The following RBM26 variants were observed in gnomAD, a reference collection of about 807,000 sequenced individuals.
RBM26 encodes the protein RNA binding motif protein 26, also known as RNA-binding protein 26.
Under a neutral mutation model 123.6 loss-of-function variants are expected in RBM26, and 30 were observed. The ratio of observed to expected loss-of-function variants is 0.24; its 90% CI spans 0.18 to 0.33. The LOEUF (loss-of-function observed/expected upper bound fraction) is 0.33, where lower values mean the gene tolerates loss of function less well. Ranked by LOEUF, RBM26 falls within the 10% of genes least tolerant of loss-of-function variation. The probability of loss-of-function intolerance (pLI) is 1.00; values close to 1 mark genes in which losing one functional copy is unlikely to be tolerated. For missense variants in RBM26, 947 were observed against 1,203.6 expected (o/e 0.79, Z 3.15); for synonymous variants, 400 against 404.4 (o/e 0.99, Z 0.13).
At chr13:79,404,694 T>A (rs1400630860) in intron 1 of RBM26, among the ~76,000 whole-genome samples, 3 of 152,228 alleles carry the variant, frequency 2.0e-5, no homozygotes, top group Non-Finnish European at 4.4e-5. Flanking sequence ...TTGACACACA[T>A]GGTCCCTTCT....
chr13:79,336,200 T>C (rs2070362186), intron 19 of RBM26, among the ~76,000 whole-genome samples: 1 of 152,200 alleles, frequency 6.6e-6, no homozygotes, highest in South Asian at 2.1e-4. Context: ...AAATTACAGT[T>C]TTACTACTTT....
rs866774274 is a variant in RBM26 at position 79,367,363 on chromosome 13, T to C, written c.896-491A>G. On this transcript the variant is annotated intron_variant, in intron 6 of 21. Coordinates refer to ENST00000438737, the MANE Select transcript of RBM26 (RefSeq NM_001366735.2). ...CAGTGGTTGCACTGAGCAGAGACTG[T>C]GTCATTGCACTCCAGCCTGGGGTAT... is the stretch of plus-strand genomic sequence containing the variant. 5.3e-5 allele frequency among the ~76,000 whole-genome samples: 7 copies of C among 132,064 alleles called. No homozygotes were observed. In the Admixed American group the frequency reaches 5.6e-4, roughly 11 times the overall value. 86.6% of individuals were successfully genotyped at this position (132,064 alleles called of 152,430 possible).
chr13:79,377,651 G>C (rs1475563612), intron 2 of RBM26, 136 bp from the exon 3 acceptor site: 1 of 719,650 alleles, frequency 1.4e-6, no homozygotes, highest in Non-Finnish European at 2.2e-6. Context: ...CACTGGCCAG[G>C]CGTGGTGGCT....
intron 3 of RBM26, among the ~76,000 whole-genome samples, chr13:79,373,471 TAAA>T (rs2076289781): frequency 8.0e-4 from 1 of 1,254 alleles, no homozygotes; most frequent in Non-Finnish European, 2.3e-3. Flanking sequence ...ATAATATGTA[TAAA>T]TATACAAATA....
At position 79,365,559 on chromosome 13, in the gene RBM26, G is replaced by A. The variant is rs867249677; in HGVS notation, c.1417+19C>T. The A allele has an allele frequency of 5.0e-6, 8 of 1,592,846 alleles. No homozygotes were observed. The Middle Eastern group carries it at 1.3e-3, about 266-fold the overall frequency. On this transcript the variant is annotated intron_variant, in intron 9 of 21. Transcript: ENST00000438737. ...TTTATATTATGAAAATGACAGGAAGGAAAGATTAATTATAGTACCTCTGGG... is the reference window on the plus strand; with the variant it reads ...TTTATATTATGAAAATGACAGGAAGAAAAGATTAATTATAGTACCTCTGGG...
In RBM26 at chr13:79,355,162, C is replaced by T. The variant is rs1190131582; in HGVS notation, c.1854+58G>A. The T allele has an allele frequency of 3.8e-5, 57 of 1,511,640 alleles. 1 individual carries two copies. The highest frequency in any genetic ancestry group is 5.5e-5 in the African/African-American group (4 of 72,466). 93.6% of individuals were successfully genotyped at this position (1,511,640 alleles called of 1,614,324 possible). On this transcript the variant is annotated intron_variant, in intron 12 of 21. Transcript: ENST00000438737. ...TGATTCCAATGCCTCTACTCGTAAA[C>T]GCTATGCTAAGAGCTTTCTAAGAAA...
intron 3 of RBM26, among the ~76,000 whole-genome samples, chr13:79,375,053 ATT>A (rs1407506237): frequency 2.4e-4 from 19 of 79,702 alleles, no homozygotes; most frequent in Non-Finnish European, 3.9e-4. Context: ...TATACTATAT[ATT>A]TATATTTTTA....
intron 20 of RBM26, among the ~76,000 whole-genome samples, chr13:79,327,076 G>C (rs2068539475): frequency 6.6e-6 from 1 of 151,938 alleles, no homozygotes; most frequent in African/African-American, 2.4e-5. Flanking sequence ...CAGGCAGATT[G>C]GTTGAGCTCA....
At chr13:79,352,531 AAT>A (rs2073398363) in intron 14 of RBM26, among the ~76,000 whole-genome samples, 1 of 151,750 alleles carries the variant, frequency 6.6e-6, no homozygotes. Context: ...TGATTTAATA[AAT>A]ATTTACCCCC....
chr13:79,345,540 T>A (rs192139345), intron 14 of RBM26, among the ~76,000 whole-genome samples: 1 of 152,236 alleles, frequency 6.6e-6, no homozygotes, highest in African/African-American at 2.4e-5. Context: ...GCCTTTCTCT[T>A]CTGCGCATCT....
intron 1 of RBM26, among the ~76,000 whole-genome samples, chr13:79,399,405 T>C (rs1205464025): frequency 6.6e-6 from 1 of 151,928 alleles, no homozygotes; most frequent in East Asian, 1.9e-4. Flanking sequence ...TGGTGCCCAC[T>C]ACTAATCTTC....
rs749124078 is a variant in RBM26 at position 79,337,198 on chromosome 13, A to ACCTCGC, written c.2631_2636dup (p.Arg878_Gly879dup). The ACCTCGC allele has an allele frequency of 4.3e-5, 70 of 1,613,894 alleles. No homozygotes were observed. Among genetic ancestry groups the ACCTCGC allele is most frequent in the African/African-American group, 8.0e-5 (6 of 74,884 alleles). ...GATCCACCACAGCATGACCAGGCAC[A>ACCTCGC]CCTCGCCCTCGCCCTCGCCCCCTGC... is the stretch of plus-strand genomic sequence containing the variant. On this transcript the variant is annotated inframe_insertion, in exon 19 of 22. Transcript: ENST00000438737.
At chr13:79,345,567 T>C (rs1184361267) in intron 14 of RBM26, among the ~76,000 whole-genome samples, 1 of 152,120 alleles carries the variant, frequency 6.6e-6, no homozygotes, top group African/African-American at 2.4e-5. Flanking sequence ...ACCTAAGTCT[T>C]GCCACCAACT....
At chr13:79,349,622 CT>C (rs1342419464) in intron 14 of RBM26, among the ~76,000 whole-genome samples, 1 of 151,202 alleles carries the variant, frequency 6.6e-6, no homozygotes, top group Non-Finnish European at 1.5e-5. Flanking sequence ...GGTAATAATC[CT>C]GAGAGGCCAC....
chr13:79,335,415 G>A (rs116323734), intron 19 of RBM26, among the ~76,000 whole-genome samples: 5 of 152,150 alleles, frequency 3.3e-5, no homozygotes, highest in African/African-American at 9.6e-5. Flanking sequence ...CAAAGTAAGT[G>A]CTCTATAGGT....
Position 79,319,995 on chromosome 13 carries a change from C to CT in RBM26, c.*625dup, listed in dbSNP as rs1245125526. On this transcript the variant is annotated 3_prime_UTR_variant, in exon 22 of 22. Coordinates refer to ENST00000438737, the MANE Select transcript of RBM26 (RefSeq NM_001366735.2). Reference sequence around the variant, plus strand: ...TGTCATTGCTTTTCTCTTTTCTTTCCTTTTTTTTTTTTAAAGAGACCATTC... The same window carrying CT: ...TGTCATTGCTTTTCTCTTTTCTTTCCTTTTTTTTTTTTTAAAGAGACCATTC... 46,725 of 370,018 alleles carry CT rather than the reference C, an allele frequency of 0.13. 5 individuals carry two copies. Among genetic ancestry groups the CT allele is most frequent in the Middle Eastern group, 0.15 (106 of 728 alleles). The allele number at this position is 370,018 out of a possible 1,614,324, so 22.9% of individuals were successfully genotyped here. A position where few individuals can be genotyped will look rare whatever the true frequency, so the allele number is the denominator to read the frequency against.
At chr13:79,363,787 GA>G (rs1159120875) in intron 9 of RBM26, among the ~76,000 whole-genome samples, 1 of 152,104 alleles carries the variant, frequency 6.6e-6, no homozygotes, top group African/African-American at 2.4e-5. Context: ...CCTAGCATGT[GA>G]ATGGATCTAA....
Position 79,327,072 on chromosome 13 carries a change from G to C in RBM26, c.2821-4610C>G, listed in dbSNP as rs566976855. On this transcript the variant is annotated intron_variant, in intron 20 of 21. Coordinates refer to ENST00000438737, the MANE Select transcript of RBM26 (RefSeq NM_001366735.2). The stretch of plus-strand genomic sequence containing the variant: ...GCACTTTGTGAGGCTGAGACAGGCA[G>C]ATTGGTTGAGCTCAGGAGTTCAAGA... 2.0e-5 allele frequency among the ~76,000 whole-genome samples: 3 copies of C among 152,244 alleles called. No homozygotes were observed. In the East Asian group the frequency reaches 5.8e-4, roughly 29 times the overall value.
At chr13:79,344,953 G>A (rs540702840) in intron 14 of RBM26, among the ~76,000 whole-genome samples, 159 bp from the exon 15 acceptor site, 2 of 151,770 alleles carry the variant, frequency 1.3e-5, no homozygotes, top group South Asian at 4.2e-4. Context: ...CATATTTGGT[G>A]ATTTGAAAGG....
Sources: gnomAD v4.1 joint callset for allele counts (sites outside exome capture counted in the v4.1 genomes callset) on GRCh38, gnomAD v4.1.1 for gene constraint, MANE v1.5 for transcripts, NCBI Gene and HGNC (gene_info 2026-07-23, HGNC 2026-07-21) for gene names.